Variants in PPARA observed in about 807,000 individuals in gnomAD.
The protein encoded by PPARA is peroxisome proliferator-activated receptor alpha.
A neutral mutation model predicts 42.2 loss-of-function variants in PPARA; 22 were observed. The observed-to-expected ratio is 0.52, with a 90% CI of 0.37 to 0.74. The LOEUF (loss-of-function observed/expected upper bound fraction) is 0.74. Ranked by LOEUF, PPARA falls within the 30% of genes least tolerant of loss-of-function variation. PPARA has a pLI of 0.00. For missense variants in PPARA, 465 were observed against 608.2 expected (o/e 0.76, Z 2.48); for synonymous variants, 242 against 239.3 (o/e 1.01, Z -0.10).
In PPARA at chr22:46,162,743, T is replaced by G. The variant is rs1926397694; in HGVS notation, c.-127+10773T>G. Among the ~76,000 whole-genome samples the G allele has an allele frequency of 6.6e-6, 1 of 151,924 alleles. No homozygotes were observed. The highest frequency in any genetic ancestry group is 2.1e-4 in the South Asian group (1 of 4,830). On this transcript the variant is annotated intron_variant, in intron 2 of 8. Transcript: ENST00000407236. This position sits in a 1 kb window ranked among gnomAD's most constrained non-coding sequence, Gnocchi z 6.0. The stretch of plus-strand genomic sequence containing the variant: ...CCGGGTACCCACCGGTTGAGATACC[T>G]CAAGTTTTAAATGCCACCTCCTTCC...
At chr22:46,152,357 T>C (rs1246734621) in intron 2 of PPARA, among the ~76,000 whole-genome samples, 2 of 152,092 alleles carry the variant, frequency 1.3e-5, no homozygotes, top group Admixed American at 6.6e-5. Context: ...CAGGCTGATC[T>C]TGAACTCCTG....
chr22:46,216,575 C>T lies in PPARA; in HGVS notation c.369+1242C>T, dbSNP rs898250661. 2.6e-5 allele frequency among the ~76,000 whole-genome samples: 4 copies of T among 152,152 alleles called. No homozygotes were observed. The highest frequency in any genetic ancestry group is 5.9e-5 in the Non-Finnish European group (4 of 68,026). On this transcript the variant is annotated intron_variant, in intron 5 of 8. Transcript: ENST00000407236. The surrounding 1 kb of genome is among the most constrained non-coding windows in gnomAD (Gnocchi z 4.5). Reference sequence around the variant, plus strand: ...AGTATCTTGCTTAGGGTCCCACAGCCCCCAGCAGCAGGGACTGGAACCAGA... The same window carrying T: ...AGTATCTTGCTTAGGGTCCCACAGCTCCCAGCAGCAGGGACTGGAACCAGA...
intron 2 of PPARA, chr22:46,164,635 C>G (rs1052940945): frequency 3.9e-5 from 6 of 152,210 alleles, no homozygotes; most frequent in Non-Finnish European, 7.3e-5. Flanking sequence ...AGGTGTTTCT[C>G]TGTTTTCTCC....
chr22:46,186,067 TG>T (rs1459653697), intron 3 of PPARA, among the ~76,000 whole-genome samples: 2 of 149,054 alleles, frequency 1.3e-5, no homozygotes, highest in Non-Finnish European at 3.0e-5. Flanking sequence ...TTCCCTGAGT[TG>T]GCCCCTAAAA....
rs1438944628 is a variant in PPARA, at chr22:46,225,804, T to C, written c.711+5790T>C. On this transcript the variant is annotated intron_variant, in intron 7 of 8. Transcript: ENST00000407236. The surrounding 1 kb of genome is among the most constrained non-coding windows in gnomAD (Gnocchi z 4.1). Reference sequence around the variant, plus strand: ...ACACACACACCCCCACACATACACGTGCACCCACACATGCACACAGACGCA... The same window carrying C: ...ACACACACACCCCCACACATACACGCGCACCCACACATGCACACAGACGCA... Among the ~76,000 whole-genome samples the C allele has an allele frequency of 6.8e-6, 1 of 147,814 alleles. No homozygotes were observed. The highest frequency in any genetic ancestry group is 1.5e-5 in the Non-Finnish European group (1 of 67,210).
chr22:46,198,520 C>T lies in PPARA; in HGVS notation c.137C>T (p.Ser46Phe). The change falls in exon 4 of 9, where the codon TCT becomes TTT. Residue 46 changes from serine to phenylalanine, a missense_variant. Around this residue, in one of 2 missense-constraint regions of PPARA, gnomAD observed 152 missense variants for 139.1 expected, o/e 1.09. Coordinates refer to ENST00000407236, the MANE Select transcript of PPARA (RefSeq NM_005036.6). ...TCGCAATCCATCGGCGAGGATAGTT[C>T]TGGAAGCTTTGGCTTTACGGAATAC... ...EISQSIGEDS[S>F]GSFGFTEYQY... 1 of 1,614,092 alleles carries T rather than the reference C, an allele frequency of 6.2e-7. No individual in the cohort carries two copies. Among genetic ancestry groups the T allele is most frequent in the Non-Finnish European group, 8.5e-7 (1 of 1,180,032 alleles).
intron 3 of PPARA, among the ~76,000 whole-genome samples, chr22:46,179,435 G>A (rs1040489722): frequency 6.6e-6 from 1 of 152,134 alleles, no homozygotes; most frequent in African/African-American, 2.4e-5. Context: ...ACTGGATTTT[G>A]ACAGAGGTGC....
chr22:46,172,833 A>G (rs1025654374), intron 2 of PPARA, among the ~76,000 whole-genome samples: 4 of 152,164 alleles, frequency 2.6e-5, no homozygotes, highest in Admixed American at 6.5e-5. Context: ...CGTTGCTTTG[A>G]CAGGTTACTT....
intron 3 of PPARA, among the ~76,000 whole-genome samples, chr22:46,181,737 A>T (rs925985893): frequency 2.0e-5 from 3 of 152,190 alleles, no homozygotes; most frequent in Non-Finnish European, 4.4e-5. Context: ...CATCCAGATC[A>T]GTTCCCATAC....
At chr22:46,153,786 G>A (rs1289871311) in intron 2 of PPARA, among the ~76,000 whole-genome samples, 1 of 152,024 alleles carries the variant, frequency 6.6e-6, no homozygotes, top group Non-Finnish European at 1.5e-5. Context: ...TTGAACCCGG[G>A]AGGTGGAGGT....
At position 46,162,643 on chromosome 22, in the gene PPARA, C is replaced by T. The variant is rs904983897; in HGVS notation, c.-127+10673C>T. Among the ~76,000 whole-genome samples, 6 of 152,176 alleles carry T rather than the reference C, an allele frequency of 3.9e-5. No homozygotes were observed. The highest frequency in any genetic ancestry group is 1.2e-4 in the African/African-American group (5 of 41,424). ...CCCCGTGAGGCCAGAGTCCTTGGCT[C>T]ATCACTCATGGTTGAACCCGGAGCC... On this transcript the variant is annotated intron_variant, in intron 2 of 8. Transcript: ENST00000407236. The surrounding 1 kb of genome is among the most constrained non-coding windows in gnomAD (Gnocchi z 6.0).
At position 46,200,947 on chromosome 22, in the gene PPARA, C is replaced by T. The variant is rs1481822020; in HGVS notation, c.208+2356C>T. Among the ~76,000 whole-genome samples the T allele has an allele frequency of 1.3e-5, 2 of 151,690 alleles. No individual in the cohort carries two copies. Among genetic ancestry groups the T allele is most frequent in the Admixed American group, 1.3e-4 (2 of 15,204 alleles). The stretch of plus-strand genomic sequence containing the variant: ...TCAAAAAAAAGTTGGGGCGTGGTGG[C>T]TCATGCCTGTAATCCCAGCACTTTG... On this transcript the variant is annotated intron_variant, in intron 4 of 8. Transcript: ENST00000407236. The surrounding 1 kb of genome is among the most constrained non-coding windows in gnomAD (Gnocchi z 4.8).
At position 46,215,090 on chromosome 22, in the gene PPARA, C is replaced by T. The variant is rs111724520; in HGVS notation, c.209-83C>T. The T allele has an allele frequency of 2.4e-3, 3,680 of 1,542,258 alleles. 79 individuals are homozygous for T. The African/African-American group carries it at 0.043, about 18-fold the overall frequency. On this transcript the variant is annotated intron_variant, in intron 4 of 8. Coordinates refer to ENST00000407236, the MANE Select transcript of PPARA (RefSeq NM_005036.6). ...GCCTCAGCACTAGAAGCCTCGTATG[C>T]GAAATCACATCCTCATAGACCCGGT...
intron 2 of PPARA, among the ~76,000 whole-genome samples, chr22:46,170,778 T>C (rs1442224315): frequency 6.6e-6 from 1 of 151,662 alleles, no homozygotes; most frequent in African/African-American, 2.4e-5. Flanking sequence ...CCTGGAGGGA[T>C]CCTGAGCACT....
Position 46,180,376 on chromosome 22 carries a change from T to C in PPARA, c.-43+3540T>C, listed in dbSNP as rs1481629268. On this transcript the variant is annotated intron_variant, in intron 3 of 8. Coordinates refer to ENST00000407236, the MANE Select transcript of PPARA (RefSeq NM_005036.6). This position sits in a 1 kb window ranked among gnomAD's most constrained non-coding sequence, Gnocchi z 4.2. ...ATAAAAATGCTGTTTAGGCCCAGAC[T>C]GAAAGGCTTTAAGTAACCACTCCCC... is the stretch of plus-strand genomic sequence containing the variant. 6.6e-6 allele frequency among the ~76,000 whole-genome samples: 1 copy of C among 152,132 alleles called. No homozygotes were observed. Among genetic ancestry groups the C allele is most frequent in the African/African-American group, 2.4e-5 (1 of 41,432 alleles).
At position 46,173,799 on chromosome 22, in the gene PPARA, T is replaced by C. The variant is rs1380628764; in HGVS notation, c.-126-2954T>C. ...TGTTCTGTGGTGTGTAGGAGCACACTGCCATTCTTAGCAAACGTGTAGTTT... is the reference window on the plus strand; with the variant it reads ...TGTTCTGTGGTGTGTAGGAGCACACCGCCATTCTTAGCAAACGTGTAGTTT... On this transcript the variant is annotated intron_variant, in intron 2 of 8. Transcript: ENST00000407236. The surrounding 1 kb of genome is among the most constrained non-coding windows in gnomAD (Gnocchi z 4.3). Among the ~76,000 whole-genome samples, 2 of 152,208 alleles carry C rather than the reference T, an allele frequency of 1.3e-5. No individual in the cohort carries two copies. The highest frequency in any genetic ancestry group is 4.8e-5 in the African/African-American group (2 of 41,450).
chr22:46,211,238 C>T lies in PPARA; in HGVS notation c.209-3935C>T, dbSNP rs920919560. ...AGTGTGTGCTGATGTCTCCAGCCCT[C>T]ATCTGTTACCAGATGGATCGTTCTA... is the stretch of plus-strand genomic sequence containing the variant. On this transcript the variant is annotated intron_variant, in intron 4 of 8. Coordinates refer to ENST00000407236, the MANE Select transcript of PPARA (RefSeq NM_005036.6). The surrounding 1 kb of genome is among the most constrained non-coding windows in gnomAD (Gnocchi z 4.1). Among the ~76,000 whole-genome samples, 3 of 152,244 alleles carry T rather than the reference C, an allele frequency of 2.0e-5. No individual in the cohort carries two copies. The highest frequency in any genetic ancestry group is 4.4e-5 in the Non-Finnish European group (3 of 68,050).
intron 7 of PPARA, among the ~76,000 whole-genome samples, chr22:46,226,149 G>A (rs1935430568): frequency 7.6e-6 from 1 of 131,480 alleles, no homozygotes; most frequent in African/African-American, 3.8e-5. Flanking sequence ...ACATATACAA[G>A]CATGCACACA....
rs1931727296 is a variant in PPARA at position 46,192,727 on chromosome 22, A to G, written c.-42-5615A>G. Reference sequence around the variant, plus strand: ...ATAGCTAAGATTTGGAAGCAACCTAAGTGTCCATCACCAGACAAATAGATA... The same window carrying G: ...ATAGCTAAGATTTGGAAGCAACCTAGGTGTCCATCACCAGACAAATAGATA... On this transcript the variant is annotated intron_variant, in intron 3 of 8. Transcript: ENST00000407236. This position sits in a 1 kb window ranked among gnomAD's most constrained non-coding sequence, Gnocchi z 4.3. 6.6e-6 allele frequency among the ~76,000 whole-genome samples: 1 copy of G among 152,220 alleles called. No homozygotes were observed. The highest frequency in any genetic ancestry group is 2.1e-4 in the South Asian group (1 of 4,828).
Sources: allele counts gnomAD v4.1 joint callset (sites outside exome capture counted in the v4.1 genomes callset), GRCh38; gene constraint gnomAD v4.1.1; regional missense constraint gnomAD v4.1.1; non-coding constraint Gnocchi (gnomAD v3.1); transcripts MANE v1.5; gene names NCBI Gene and HGNC (gene_info 2026-07-23, HGNC 2026-07-21).